The following ALDH1A2 variants were observed in gnomAD, a reference collection of about 807,000 sequenced individuals.
ALDH1A2 encodes retinal dehydrogenase 2.
A neutral mutation model predicts 60.3 loss-of-function variants in ALDH1A2; 27 were observed. The observed-to-expected ratio is 0.45, with a 90% CI of 0.33 to 0.62. The LOEUF (loss-of-function observed/expected upper bound fraction) is 0.62, where lower values mean the gene tolerates loss of function less well. Among genes scored for constraint, ALDH1A2 ranks in the 20% least tolerant of loss-of-function variants. ALDH1A2 has a pLI of 0.02. For synonymous variants in ALDH1A2, 289 were observed against 232.4 expected (o/e 1.24, Z -2.21); for missense variants, 581 against 643.8 (o/e 0.90, Z 1.06).
chr15:58,013,807 G>A lies in ALDH1A2; in HGVS notation c.363+51C>T, dbSNP rs180922792. ...ATACAGCCGAAGAATGTAAATTTCA[G>A]CAGAATGGCAAATGTGGGTTAAAGA... is the stretch of plus-strand genomic sequence containing the variant. On this transcript the variant is annotated intron_variant, in intron 3 of 12. Transcript: ENST00000249750. 37 of 1,608,766 alleles carry A rather than the reference G, an allele frequency of 2.3e-5. No homozygotes were observed. In the African/African-American group the frequency reaches 4.5e-4, roughly 20 times the overall value.
chr15:58,032,164 A>G (rs373635004), intron 1 of ALDH1A2, among the ~76,000 whole-genome samples: 19 of 152,118 alleles, frequency 1.2e-4, no homozygotes, highest in East Asian at 9.6e-4. Flanking sequence ...ACCATGGAAT[A>G]CTATGCAGCC....
chr15:58,044,612 G>A (rs1315336824), intron 1 of ALDH1A2, among the ~76,000 whole-genome samples: 2 of 152,042 alleles, frequency 1.3e-5, no homozygotes, highest in African/African-American at 4.8e-5. Context: ...CTGGGACACT[G>A]TCTGCAGTCT....
intron 7 of ALDH1A2, among the ~76,000 whole-genome samples, chr15:57,966,374 T>C (rs1447213464): frequency 1.3e-5 from 2 of 152,218 alleles, no homozygotes; most frequent in African/African-American, 2.4e-5. Flanking sequence ...TTGTGCAATC[T>C]TGTAAATGCC....
intron 4 of ALDH1A2, among the ~76,000 whole-genome samples, chr15:57,996,119 T>C (rs995307081): frequency 2.0e-5 from 3 of 152,054 alleles, no homozygotes; most frequent in Non-Finnish European, 4.4e-5. Flanking sequence ...AAAGCATAAC[T>C]ATTATAGGTG....
intron 7 of ALDH1A2, among the ~76,000 whole-genome samples, chr15:57,975,236 A>C (rs1894208996): frequency 6.6e-6 from 1 of 152,232 alleles, no homozygotes; most frequent in African/African-American, 2.4e-5. Flanking sequence ...TGTCCATACA[A>C]ATATTTGTAC....
intron 7 of ALDH1A2, among the ~76,000 whole-genome samples, chr15:57,970,403 C>G (rs527776475): frequency 5.3e-5 from 8 of 152,328 alleles, no homozygotes; most frequent in Admixed American, 3.3e-4. Context: ...CACAGTTCAA[C>G]TCTGACTCCC....
chr15:58,063,912 G>A (rs1241382588), intron 1 of ALDH1A2, among the ~76,000 whole-genome samples: 1 of 152,136 alleles, frequency 6.6e-6, no homozygotes, highest in African/African-American at 2.4e-5. Context: ...TCCTACTGGG[G>A]GAGAACAAGA....
At chr15:58,030,420 C>A (rs553838771) in intron 1 of ALDH1A2, among the ~76,000 whole-genome samples, 108 of 152,244 alleles carry the variant, frequency 7.1e-4, no homozygotes, top group African/African-American at 2.3e-3. Flanking sequence ...ATGACAAACT[C>A]ACAGCCAATA....
rs753864465 is a variant in ALDH1A2 at position 58,060,460 on chromosome 15, T to TTA, written c.117+5073_117+5074insTA. Among the ~76,000 whole-genome samples the TTA allele has an allele frequency of 3.9e-3, 475 of 121,356 alleles. 3 individuals are homozygous for TTA. The highest frequency in any genetic ancestry group is 0.014 in the Middle Eastern group (3 of 222). The allele number at this position is 121,356 out of a possible 152,430, so 79.6% of individuals were successfully genotyped here. On this transcript the variant is annotated intron_variant, in intron 1 of 12. Coordinates refer to ENST00000249750, the MANE Select transcript of ALDH1A2 (RefSeq NM_003888.4). ...AAGAAACTCTTTAAGATGCCACACA[T>TTA]ATCTTTTTTTTTTTTTTTTTTTTTT...
intron 1 of ALDH1A2, among the ~76,000 whole-genome samples, chr15:58,062,115 T>C (rs563912581): frequency 1.3e-5 from 2 of 152,310 alleles, no homozygotes; most frequent in Admixed American, 1.3e-4. Flanking sequence ...CTCTGAGTTT[T>C]AAGTTGATTG....
intron 12 of ALDH1A2, among the ~76,000 whole-genome samples, chr15:57,957,274 C>T (rs1233070087): frequency 1.3e-5 from 2 of 152,130 alleles, no homozygotes; most frequent in African/African-American, 2.4e-5. Context: ...TCCTGAACCT[C>T]AGTATACATA....
intron 7 of ALDH1A2, among the ~76,000 whole-genome samples, chr15:57,968,635 C>T (rs1419380445): frequency 6.6e-6 from 1 of 152,220 alleles, no homozygotes; most frequent in African/African-American, 2.4e-5. Context: ...AGTTACAAAA[C>T]TTAGATTCTG....
intron 7 of ALDH1A2, among the ~76,000 whole-genome samples, chr15:57,977,827 C>G (rs777285021): frequency 6.6e-5 from 10 of 151,454 alleles, no homozygotes; most frequent in Admixed American, 1.3e-4. Context: ...TTTGTGATAC[C>G]ATGAGTATGG....
At chr15:57,996,812 G>A (rs1477868970) in intron 4 of ALDH1A2, among the ~76,000 whole-genome samples, 2 of 151,968 alleles carry the variant, frequency 1.3e-5, no homozygotes, top group Non-Finnish European at 2.9e-5. Flanking sequence ...CTTTAACACT[G>A]AGGTTTTTCC....
intron 4 of ALDH1A2, among the ~76,000 whole-genome samples, chr15:58,009,358 T>G (rs35056852): frequency 6.6e-6 from 1 of 151,920 alleles, no homozygotes; most frequent in African/African-American, 2.4e-5. Flanking sequence ...CAGTGATTCA[T>G]GAGCACATTA....
intron 7 of ALDH1A2, among the ~76,000 whole-genome samples, chr15:57,972,991 A>G (rs1210188723): frequency 6.6e-6 from 1 of 152,174 alleles, no homozygotes; most frequent in Non-Finnish European, 1.5e-5. Flanking sequence ...TATCTCACTT[A>G]GGAAATAAAA....
intron 1 of ALDH1A2, among the ~76,000 whole-genome samples, chr15:58,019,831 T>C (rs1191956233): frequency 5.3e-5 from 8 of 152,212 alleles, no homozygotes; most frequent in Non-Finnish European, 1.2e-4. Flanking sequence ...ATTTTTTAAA[T>C]GTTATTTAAG....
chr15:58,004,350 G>T (rs1254692338), intron 4 of ALDH1A2, among the ~76,000 whole-genome samples: 3 of 151,738 alleles, frequency 2.0e-5, no homozygotes, highest in African/African-American at 7.3e-5. Flanking sequence ...AGATTCAACG[G>T]GTTTATGTGC....
chr15:57,994,704 T>C (rs1595650758), intron 5 of ALDH1A2, among the ~76,000 whole-genome samples: 2 of 152,148 alleles, frequency 1.3e-5, no homozygotes, highest in Admixed American at 1.3e-4. Flanking sequence ...TAAAAGATCA[T>C]ATAAAATAAT....
Sources: gnomAD v4.1 joint callset for allele counts (sites outside exome capture counted in the v4.1 genomes callset) on GRCh38, gnomAD v4.1.1 for gene constraint, MANE v1.5 for transcripts, NCBI Gene and HGNC (gene_info 2026-07-23, HGNC 2026-07-21) for gene names.